Variants in KIF20B observed in about 807,000 individuals in gnomAD.
KIF20B encodes the protein kinesin-like protein KIF20B.
In KIF20B, 188 loss-of-function variants were observed where a neutral mutation model predicts 232.5. That is an observed-to-expected ratio of 0.81 (90% CI 0.72 to 0.91). The LOEUF (loss-of-function observed/expected upper bound fraction) is 0.91, where lower values mean the gene tolerates loss of function less well. Ranked by LOEUF, KIF20B falls within the 40% of genes least tolerant of loss-of-function variation. The pLI is 0.00. For missense variants in KIF20B, 2,154 were observed against 2,055.9 expected (o/e 1.05, Z -0.92); for synonymous variants, 712 against 683.0 (o/e 1.04, Z -0.66).
chr10:89,710,804 A>G (rs1842821974), intron 5 of KIF20B, among the ~76,000 whole-genome samples, 157 bp from the exon 6 acceptor site: 1 of 152,362 alleles, frequency 6.6e-6, no homozygotes, highest in East Asian at 1.9e-4. Context: ...TACTGTGAAT[A>G]ACAAAGTGAT....
In KIF20B at chr10:89,743,880, T is replaced by C; in HGVS notation, c.3988T>C (p.Cys1330Arg). 2 of 1,591,670 alleles carry C rather than the reference T, an allele frequency of 1.3e-6. No individual in the cohort carries two copies. The highest frequency in any genetic ancestry group is 1.7e-6 in the Non-Finnish European group (2 of 1,170,596). ...TGAACTGGAGAAAAAGAAAAACCAGTGTTCTCAGGAATTAGATATGAAACA... is the reference window on the plus strand; with the variant it reads ...TGAACTGGAGAAAAAGAAAAACCAGCGTTCTCAGGAATTAGATATGAAACA... ...INELEKKKNQ[C>R]SQELDMKQRT... The change falls in exon 22 of 33, where the codon TGT becomes CGT. Residue 1330 changes from cysteine (C) to arginine (R), a missense_variant. By Grantham distance (180) the Cys-to-Arg change is radical. Transcript: ENST00000371728.
rs1841736166 is a variant in KIF20B at position 89,739,071 on chromosome 10, A to G, written c.3890A>G (p.Lys1297Arg). ...DLKEKLTDAKKQIKQVQKEVS... is the reference protein window; with the variant it reads ...DLKEKLTDAKRQIKQVQKEVS... ...AAAGAGAAACTGACTGATGCCAAAA[A>G]GCAGATTAAGCAAGTACAGAAAGAG... is the stretch of plus-strand genomic sequence containing the variant. The change falls in exon 21 of 33, where the codon AAG becomes AGG. Residue 1297 changes from lysine to arginine, a missense_variant. Coordinates refer to ENST00000371728, the MANE Select transcript of KIF20B (RefSeq NM_001284259.2). 1 of 1,612,892 alleles carries G rather than the reference A, an allele frequency of 6.2e-7. No individual in the cohort carries two copies.
intron 32 of KIF20B, among the ~76,000 whole-genome samples, chr10:89,773,527 A>G (rs900133855): frequency 2.6e-5 from 4 of 152,050 alleles, no homozygotes; most frequent in African/African-American, 9.7e-5. Context: ...TGTAAGTACC[A>G]TTCTGTCAGT....
intron 27 of KIF20B, 36 bp from the exon 28 acceptor site, chr10:89,760,490 A>G (rs1364419150): frequency 8.1e-7 from 1 of 1,237,996 alleles, no homozygotes; most frequent in East Asian, 2.3e-5. Context: ...TTTTCAGGTT[A>G]CAATGCCCTG....
chr10:89,770,602 CA>C (rs1332028419), intron 31 of KIF20B, among the ~76,000 whole-genome samples: 1 of 151,736 alleles, frequency 6.6e-6, no homozygotes, highest in African/African-American at 2.4e-5. Flanking sequence ...ACTTGACATA[CA>C]TTTTTTTTTT....
intron 29 of KIF20B, among the ~76,000 whole-genome samples, chr10:89,765,501 C>T (rs1842339603): frequency 2.0e-5 from 3 of 152,050 alleles, no homozygotes; most frequent in African/African-American, 7.2e-5. Context: ...CATCAAGCTA[C>T]CAATGACTTT....
At chr10:89,731,413 T>G (rs951633503) in intron 18 of KIF20B, among the ~76,000 whole-genome samples, 1 of 152,200 alleles carries the variant, frequency 6.6e-6, no homozygotes, top group African/African-American at 2.4e-5. Flanking sequence ...TGTGCTAAAT[T>G]TAAATTGTTC....
chr10:89,735,583 G>A (rs1164578487), intron 19 of KIF20B, among the ~76,000 whole-genome samples: 1 of 136,442 alleles, frequency 7.3e-6, no homozygotes, highest in Admixed American at 8.0e-5. Context: ...CTGTCACCAG[G>A]CTGGAGTGCA....
At position 89,757,038 on chromosome 10, in the gene KIF20B, G is replaced by GTATATATATATATA. The variant is rs1286710895; in HGVS notation, c.4504-1667_4504-1666insATATATATATATAT. Among the ~76,000 whole-genome samples the GTATATATATATATA allele has an allele frequency of 2.8e-3, 222 of 78,988 alleles. 1 individual carries two copies. The highest frequency in any genetic ancestry group is 8.4e-3 in the African/African-American group (203 of 24,266). The allele number at this position is 78,988 out of a possible 152,430, so 51.8% of individuals were successfully genotyped here. ...ATATCTCTGTTGTGTGTGTGTGTGT[G>GTATATATATATATA]TGTATATATATATATATATATATAT... On this transcript the variant is annotated intron_variant, in intron 26 of 32. Transcript: ENST00000371728.
chr10:89,717,657 T>C lies in KIF20B; in HGVS notation c.1206T>C (p.Asn402=), dbSNP rs757365232. ...GTGAAAGGTTAAGAGAGACTGGGAA[T>C]ATCAACACTTCTTTATTGACTCTGG... The part of the protein sequence containing the change: ...NEGERLRETG[N]INTSLLTLGK... Residue 402 remains asparagine, a synonymous_variant, in exon 11 of 33, where the codon AAT becomes AAC. Transcript: ENST00000371728. The C allele has an allele frequency of 1.9e-6, 3 of 1,609,448 alleles. No individual in the cohort carries two copies. Among genetic ancestry groups the C allele is most frequent in the African/African-American group, 2.7e-5 (2 of 74,834 alleles).
intron 23 of KIF20B, among the ~76,000 whole-genome samples, chr10:89,749,908 T>C (rs539194339): frequency 1.2e-3 from 177 of 152,298 alleles, no homozygotes; most frequent in Non-Finnish European, 2.2e-3. Context: ...TATGCAGCAC[T>C]TGATTGCTTG....
chr10:89,741,789 C>A (rs1313840596), intron 21 of KIF20B, among the ~76,000 whole-genome samples: 1 of 152,208 alleles, frequency 6.6e-6, no homozygotes, highest in Non-Finnish European at 1.5e-5. Flanking sequence ...AAAGCTTGTG[C>A]CATCCTGTCC....
intron 27 of KIF20B, among the ~76,000 whole-genome samples, chr10:89,759,496 T>C (rs1842195625): frequency 6.6e-6 from 1 of 152,020 alleles, no homozygotes; most frequent in South Asian, 2.1e-4. Flanking sequence ...CTTCAGACAA[T>C]AGGAAAAATA....
chr10:89,754,536 A>G lies in KIF20B; in HGVS notation c.4366A>G (p.Asn1456Asp), dbSNP rs1328374349. 6.3e-7 allele frequency: 1 copy of G among 1,596,290 alleles called. No homozygotes were observed. Among genetic ancestry groups the G allele is most frequent in the Non-Finnish European group, 8.5e-7 (1 of 1,170,678 alleles). ...DELQESEQKY[N>D]ADRKKWLEEK... ...TATACAGGAGTCTGAACAGAAATATAATGCTGATAGAAAGAAATGGTTAGA... is the reference window on the plus strand; with the variant it reads ...TATACAGGAGTCTGAACAGAAATATGATGCTGATAGAAAGAAATGGTTAGA... The change falls in exon 26 of 33, where the codon AAT (asparagine) becomes GAT (aspartate). Residue 1456 changes from asparagine to aspartate, a missense_variant. Physicochemically the swap from Asn to Asp is conservative, Grantham distance 23 (BLOSUM62 1). Transcript: ENST00000371728.
intron 27 of KIF20B, 100 bp downstream of exon 27, chr10:89,758,982 A>C: frequency 1.6e-6 from 1 of 641,668 alleles, no homozygotes; most frequent in Non-Finnish European, 2.3e-6. Context: ...AATAGACCAA[A>C]AAGGAATCAG....
At chr10:89,745,836 C>G in intron 22 of KIF20B, 63 bp from the exon 23 acceptor site, 2 of 1,068,654 alleles carry the variant, frequency 1.9e-6, no homozygotes, top group Non-Finnish European at 2.9e-6. Flanking sequence ...TTTTCAAGAT[C>G]CACTGTTAAA....
At chr10:89,724,909 C>T (rs138344844) in intron 14 of KIF20B, 111 bp from the exon 15 acceptor site, 11 of 1,061,998 alleles carry the variant, frequency 1.0e-5, no homozygotes, top group Non-Finnish European at 1.5e-5. Flanking sequence ...ACCACTGTAC[C>T]TGGACTAAAT....
chr10:89,703,703 A>C (rs553643293), intron 1 of KIF20B, among the ~76,000 whole-genome samples: 32 of 151,562 alleles, frequency 2.1e-4, no homozygotes, highest in South Asian at 6.3e-4. Context: ...GGCCATTTTG[A>C]AAGTAAATGG....
chr10:89,709,424 G>A lies in KIF20B; in HGVS notation c.314G>A (p.Ser105Asn), dbSNP rs1299300012. 10 of 1,613,312 alleles carry A rather than the reference G, an allele frequency of 6.2e-6. No individual in the cohort carries two copies. The South Asian group carries it at 9.9e-5, about 16-fold the overall frequency. Residue 105 changes from serine (S) to asparagine (N), a missense_variant, in exon 4 of 33, where the codon AGC (serine) becomes AAC (asparagine). Transcript: ENST00000371728. ...ATCCTTGGTCGGTTAAGTGAAAAAA[G>A]CTCAGGGCAGATGGCACAGAAATTC... ...QCILGRLSEK[S>N]SGQMAQKFSF...
Sources: gnomAD v4.1 joint callset for allele counts (sites outside exome capture counted in the v4.1 genomes callset) on GRCh38, gnomAD v4.1.1 for gene constraint, MANE v1.5 for transcripts, NCBI Gene and HGNC (gene_info 2026-07-23, HGNC 2026-07-21) for gene names.